Variants in BTNL9 observed in about 807,000 individuals in gnomAD.
BTNL9 encodes the protein butyrophilin like 9, also known as butyrophilin-like protein 9.
Under a neutral mutation model 45.8 loss-of-function variants are expected in BTNL9, and 45 were observed. The observed-to-expected ratio is 0.98, with a 90% CI of 0.77 to 1.26. The LOEUF is 1.26. Ranked by LOEUF, BTNL9 falls within the 50% of genes most tolerant of loss-of-function variation. The pLI is 0.00. For missense variants in BTNL9, 784 were observed against 729.7 expected (o/e 1.07, Z -0.86); for synonymous variants, 346 against 330.8 (o/e 1.05, Z -0.50).
rs373063861 is a variant in BTNL9, at chr5:181,047,919, C to T, written c.110-8C>T. ...GTTGCTTTTGCCTGTTCTGACTTGT[C>T]ATCCTAGAGGTCAAGGTGCTAGGCC... On this transcript the variant is annotated splice_polypyrimidine_tract_variant and splice_region_variant and intron_variant, in intron 2 of 10. Transcript: ENST00000327705. 6 of 1,607,176 alleles carry T rather than the reference C, an allele frequency of 3.7e-6. No homozygotes were observed. Among genetic ancestry groups the T allele is most frequent in the East Asian group, 2.2e-5 (1 of 44,720 alleles).
Position 181,053,257 on chromosome 5 carries a change from T to C in BTNL9, c.794T>C (p.Leu265Pro). The change falls in exon 5 of 11, where the codon CTG (leucine) becomes CCG (proline). Residue 265 changes from leucine (L) to proline (P), a missense_variant. Physicochemically the swap from Leu to Pro is moderately conservative, Grantham distance 98. Transcript: ENST00000327705. This position sits in a 1 kb window ranked among gnomAD's most constrained non-coding sequence, Gnocchi z 6.5. Reference sequence around the variant, plus strand: ...AGCGCGTTCGTCGCGACCCTGCCGCTGCTGTTGGTCCTCGCGGCGCTGGCG... The same window carrying C: ...AGCGCGTTCGTCGCGACCCTGCCGCCGCTGTTGGTCCTCGCGGCGCTGGCG... ...WKSAFVATLP[L>P]LLVLAALALG... 3 of 1,589,544 alleles carry C rather than the reference T, an allele frequency of 1.9e-6. No homozygotes were observed. The highest frequency in any genetic ancestry group is 1.7e-5 in the Admixed American group (1 of 58,360).
chr5:181,058,378 G>A lies in BTNL9; in HGVS notation c.982G>A (p.Val328Met). 1 of 1,614,102 alleles carries A rather than the reference G, an allele frequency of 6.2e-7. No individual in the cohort carries two copies. Among genetic ancestry groups the A allele is most frequent in the Non-Finnish European group, 8.5e-7 (1 of 1,179,984 alleles). ...AEWRAAQKYA[V>M]DVTLDPASAH... ...GTGGAGAGCAGCCCAAAAATATGCAGGTAACTGAAGCCAGGAAACTGATTT... is the reference window on the plus strand; with the variant it reads ...GTGGAGAGCAGCCCAAAAATATGCAAGTAACTGAAGCCAGGAAACTGATTT... The change falls in exon 10 of 11, where the codon GTG becomes ATG. Residue 328 changes from valine (V) to methionine (M), a missense_variant and splice_region_variant. Val to Met is a conservative substitution (Grantham distance 21). Coordinates refer to ENST00000327705, the MANE Select transcript of BTNL9 (RefSeq NM_152547.5).
rs1761269307 is a variant in BTNL9 at position 181,047,930 on chromosome 5, T to A, written c.113T>A (p.Val38Asp). Residue 38 changes from valine to aspartate, a missense_variant, in exon 3 of 11, where the codon GTC (valine) becomes GAC (aspartate). Val to Asp is a radical substitution (Grantham distance 152). Coordinates refer to ENST00000327705, the MANE Select transcript of BTNL9 (RefSeq NM_152547.5). ...LLQPGEPSSE[V>D]KVLGPEYPIL... is the part of the protein sequence containing the mutation. ...CTGTTCTGACTTGTCATCCTAGAGG[T>A]CAAGGTGCTAGGCCCTGAGTATCCC... The A allele has an allele frequency of 6.2e-7, 1 of 1,612,580 alleles. No homozygotes were observed. Among genetic ancestry groups the A allele is most frequent in the Non-Finnish European group, 8.5e-7 (1 of 1,179,112 alleles).
intron 1 of BTNL9, among the ~76,000 whole-genome samples, chr5:181,045,133 G>C (rs746251788): frequency 9.9e-5 from 15 of 152,188 alleles, no homozygotes; most frequent in Non-Finnish European, 1.3e-4. Context: ...CCCAGAAAAG[G>C]GGGGGCGCTG....
chr5:181,052,818 G>C (rs1761620986), intron 4 of BTNL9: 1 of 144,882 alleles, frequency 6.9e-6, no homozygotes, highest in East Asian at 2.0e-4. Context: ...GACGACTTGC[G>C]GACCAGACGG....
intron 7 of BTNL9, 171 bp downstream of exon 7, chr5:181,054,430 A>G: frequency 3.0e-6 from 3 of 985,342 alleles, no homozygotes; most frequent in Non-Finnish European, 3.6e-6. Context: ...GCTGCCTGCC[A>G]CCGTGCAGCT....
Position 181,045,502 on chromosome 5 carries a change from T to G in BTNL9, c.13T>G (p.Ser5Ala). The G allele has an allele frequency of 6.2e-7, 1 of 1,608,432 alleles. No homozygotes were observed. Among genetic ancestry groups the G allele is most frequent in the South Asian group, 1.1e-5 (1 of 91,022 alleles). Reference sequence around the variant, plus strand: ...CTGCTGACGAGAGATGGTGGACCTCTCAGTCTCCCCAGACTCCTTGAAGCC... The same window carrying G: ...CTGCTGACGAGAGATGGTGGACCTCGCAGTCTCCCCAGACTCCTTGAAGCC... MVDLSVSPDSLKPVS... is the reference protein window; with the variant it reads MVDLAVSPDSLKPVS... The change falls in exon 2 of 11, where the codon TCA (serine) becomes GCA (alanine). Residue 5 changes from serine to alanine, a missense_variant. By Grantham distance (99) the Ser-to-Ala change is moderately conservative (BLOSUM62 1). Transcript: ENST00000327705.
Position 181,053,847 on chromosome 5 carries a change from AGGGAGTCGGGCG to A in BTNL9, c.886+348_886+359del. 1 of 1,507,442 alleles carries A rather than the reference AGGGAGTCGGGCG, an allele frequency of 6.6e-7. No homozygotes were observed. The highest frequency in any genetic ancestry group is 8.9e-7 in the Non-Finnish European group (1 of 1,128,856). 93.4% of individuals were successfully genotyped at this position (1,507,442 alleles called of 1,614,324 possible). ...CCTCGTCCAGGTTTTCATAGCGCACAGGGAGTCGGGCGGATGCGCAACATCTCCGCACAGGGT... is the reference window on the plus strand; with the variant it reads ...CCTCGTCCAGGTTTTCATAGCGCACAGATGCGCAACATCTCCGCACAGGGT... On this transcript the variant is annotated intron_variant, in intron 6 of 10. Transcript: ENST00000327705. The surrounding 1 kb of genome is among the most constrained non-coding windows in gnomAD (Gnocchi z 6.5).
intron 2 of BTNL9, chr5:181,047,417 A>AT: frequency 1.2e-6 from 1 of 854,678 alleles, no homozygotes; most frequent in Non-Finnish European, 1.4e-6. Flanking sequence ...CATGTGAATT[A>AT]TTTTTTAAAC....
chr5:181,059,156 G>T (rs1363297635), intron 10 of BTNL9, 81 bp from the exon 11 acceptor site: 1 of 1,410,744 alleles, frequency 7.1e-7, no homozygotes, highest in Non-Finnish European at 9.2e-7. Context: ...CAAGAGAAAC[G>T]AGAGGTTTGT....
rs748329786 is a variant in BTNL9 at position 181,059,621 on chromosome 5, A to G, written c.1367A>G (p.Glu456Gly). The change falls in exon 11 of 11, where the codon GAG becomes GGG. Residue 456 changes from glutamate to glycine, a missense_variant. Transcript: ENST00000327705. ...CGCCTGGGCGTCTTCCTGGACTACG[A>G]GGCCGGAGAGCTGTCCTTCTTCAAC... ...PRRLGVFLDY[E>G]AGELSFFNVS... The G allele has an allele frequency of 1.9e-6, 3 of 1,613,486 alleles. No homozygotes were observed. The Admixed American group carries it at 5.0e-5, about 27-fold the overall frequency.
At chr5:181,051,084 A>C (rs1458459746) in intron 4 of BTNL9, among the ~76,000 whole-genome samples, 2 of 91,070 alleles carry the variant, frequency 2.2e-5, no homozygotes, top group Non-Finnish European at 4.9e-5. Context: ...GTCTCAAAAA[A>C]AAAACAAAAA....
At position 181,042,637 on chromosome 5, in the gene BTNL9, T is replaced by C. The variant is rs1238575083; in HGVS notation, c.-24+2205T>C. Among the ~76,000 whole-genome samples, 20 of 152,174 alleles carry C rather than the reference T, an allele frequency of 1.3e-4. No homozygotes were observed. The highest frequency in any genetic ancestry group is 1.3e-3 in the Admixed American group (20 of 15,278). Reference sequence around the variant, plus strand: ...GCTTTCAAGATGATACCCTTGAGTGTTGGGAGCAAAGGGACCAGGTACCTG... The same window carrying C: ...GCTTTCAAGATGATACCCTTGAGTGCTGGGAGCAAAGGGACCAGGTACCTG... On this transcript the variant is annotated intron_variant, in intron 1 of 10. Transcript: ENST00000327705. The surrounding 1 kb of genome is among the most constrained non-coding windows in gnomAD (Gnocchi z 4.5).
intron 1 of BTNL9, among the ~76,000 whole-genome samples, chr5:181,045,262 A>G (rs1376801427): frequency 6.6e-6 from 1 of 152,192 alleles, no homozygotes; most frequent in African/African-American, 2.4e-5. Flanking sequence ...GGGCAAGGCC[A>G]CGGATGCCAT....
chr5:181,057,417 A>C (rs1582150520), intron 9 of BTNL9, among the ~76,000 whole-genome samples: 1 of 152,124 alleles, frequency 6.6e-6, no homozygotes, highest in Non-Finnish European at 1.5e-5. Flanking sequence ...CATTTACTCC[A>C]CCATTCCAGG....
At position 181,045,547 on chromosome 5, in the gene BTNL9, C is replaced by T. The variant is rs1375833944; in HGVS notation, c.58C>T (p.Leu20Phe). The T allele has an allele frequency of 5.6e-6, 9 of 1,612,858 alleles. No homozygotes were observed. Among genetic ancestry groups the T allele is most frequent in the Non-Finnish European group, 7.6e-6 (9 of 1,179,426 alleles). Residue 20 changes from leucine (L) to phenylalanine (F), a missense_variant, in exon 2 of 11, where the codon CTT (leucine) becomes TTT (phenylalanine). Coordinates refer to ENST00000327705, the MANE Select transcript of BTNL9 (RefSeq NM_152547.5). ...GAAGCCAGTATCGCTGACCAGCAGT[C>T]TTGTCTTCCTCATGCACCTCCTCCT... ...SLKPVSLTSS[L>F]VFLMHLLLLQ... is the part of the protein sequence containing the mutation.
intron 7 of BTNL9, chr5:181,054,850 A>T (rs1761792925): frequency 1.0e-6 from 1 of 985,362 alleles, no homozygotes; most frequent in South Asian, 4.7e-5. Flanking sequence ...CTAATAAGTC[A>T]TTAAGGCTAT....
In BTNL9 at chr5:181,050,210, T is replaced by C. The variant is rs1163556720; in HGVS notation, c.577T>C (p.Cys193Arg). Reference sequence around the variant, plus strand: ...TCAGTGGAGAGACCACCAGGGACAGTGCCTGCCTCCAGAGTTTGAAGCCAT... The same window carrying C: ...TCAGTGGAGAGACCACCAGGGACAGCGCCTGCCTCCAGAGTTTGAAGCCAT... ...KVQWRDHQGQ[C>R]LPPEFEAIVW... Residue 193 changes from cysteine to arginine, a missense_variant, in exon 4 of 11, where the codon TGC becomes CGC. By Grantham distance (180) the Cys-to-Arg change is radical. Transcript: ENST00000327705. The surrounding 1 kb of genome is among the most constrained non-coding windows in gnomAD (Gnocchi z 4.9). The C allele has an allele frequency of 6.2e-7, 1 of 1,613,958 alleles. No individual in the cohort carries two copies. Among genetic ancestry groups the C allele is most frequent in the Non-Finnish European group, 8.5e-7 (1 of 1,180,036 alleles).
intron 1 of BTNL9, among the ~76,000 whole-genome samples, chr5:181,044,206 G>A (rs1375191252): frequency 2.0e-5 from 3 of 152,172 alleles, no homozygotes; most frequent in Non-Finnish European, 4.4e-5. Context: ...CACCTCCTCT[G>A]ATCCTTCTGC....
Sources: gnomAD v4.1 joint callset for allele counts (sites outside exome capture counted in the v4.1 genomes callset) on GRCh38, gnomAD v4.1.1 for gene constraint, Gnocchi (gnomAD v3.1) non-coding constraint, MANE v1.5 for transcripts, NCBI Gene and HGNC (gene_info 2026-07-23, HGNC 2026-07-21) for gene names.